Variants in PDE4D observed in about 807,000 individuals in gnomAD.
The protein encoded by PDE4D is phosphodiesterase 4D, also known as 3',5'-cyclic-AMP phosphodiesterase 4D.
Under a neutral mutation model 87.4 loss-of-function variants are expected in PDE4D, and 24 were observed. The ratio of observed to expected loss-of-function variants is 0.27; its 90% CI spans 0.20 to 0.39. The LOEUF is 0.39. Among genes scored for constraint, PDE4D ranks in the 10% least tolerant of loss-of-function variants. The pLI is 1.00. For synonymous variants in PDE4D, 384 were observed against 383.2 expected (o/e 1.00, Z -0.02); for missense variants, 714 against 1,041.0 (o/e 0.69, Z 4.32).
chr5:59,142,018 T>G (rs1453514019), intron 5 of PDE4D, among the ~76,000 whole-genome samples: 1 of 152,162 alleles, frequency 6.6e-6, no homozygotes, highest in Non-Finnish European at 1.5e-5. Context: ...AACACAATCT[T>G]GCAACCTGGC....
chr5:59,794,920 C>T (rs549120171), intron 1 of PDE4D, among the ~76,000 whole-genome samples: 2 of 152,274 alleles, frequency 1.3e-5, no homozygotes, highest in East Asian at 3.9e-4. Flanking sequence ...CAGCTCATCA[C>T]TCAGGGTGGA....
intron 1 of PDE4D, among the ~76,000 whole-genome samples, chr5:59,380,560 TGAGG>T (rs1405739362): frequency 3.9e-5 from 6 of 152,274 alleles, no homozygotes; most frequent in African/African-American, 1.4e-4. Flanking sequence ...TTATGCACAT[TGAGG>T]TCACATCGCT....
intron 1 of PDE4D, chr5:59,528,964 G>T: frequency 2.2e-6 from 1 of 447,142 alleles, no homozygotes; most frequent in South Asian, 1.6e-5. Context: ...GATGCAAGCT[G>T]AACGGTTGGC....
At chr5:60,015,464 C>A (rs1352611263) in intron 2 of PDE4D, among the ~76,000 whole-genome samples, 3 of 152,058 alleles carry the variant, frequency 2.0e-5, no homozygotes, top group Non-Finnish European at 4.4e-5. Context: ...TCTGACAGAC[C>A]CACTTGCTCT....
intron 1 of PDE4D, among the ~76,000 whole-genome samples, chr5:60,278,599 AT>A (rs908941895): frequency 6.7e-6 from 1 of 149,146 alleles, no homozygotes; most frequent in Non-Finnish European, 1.5e-5. Flanking sequence ...TTTCCCATTT[AT>A]TTTTTTTCTG....
chr5:58,979,885 C>A (rs1744690625), intron 11 of PDE4D, among the ~76,000 whole-genome samples: 1 of 152,146 alleles, frequency 6.6e-6, no homozygotes, highest in African/African-American at 2.4e-5. Context: ...GAGACTTAAG[C>A]CCCTACAAAA....
At chr5:60,205,072 C>A (rs575383658) in intron 1 of PDE4D, among the ~76,000 whole-genome samples, 1 of 152,162 alleles carries the variant, frequency 6.6e-6, no homozygotes, top group Non-Finnish European at 1.5e-5. Context: ...CATACTCCCC[C>A]ACCTTCCTTG....
chr5:59,196,868 G>A (rs1423828101), intron 2 of PDE4D, among the ~76,000 whole-genome samples: 1 of 152,102 alleles, frequency 6.6e-6, no homozygotes, highest in Non-Finnish European at 1.5e-5. Context: ...GAAAAGACAT[G>A]CCACCTATGC....
At chr5:60,184,363 G>C (rs569853258) in intron 2 of PDE4D, among the ~76,000 whole-genome samples, 1 of 151,886 alleles carries the variant, frequency 6.6e-6, no homozygotes, top group South Asian at 2.1e-4. Flanking sequence ...AGATGTGTTT[G>C]CAGTTTGGTA....
Position 59,653,208 on chromosome 5 carries a change from A to ATTTTTTTT in PDE4D, c.455+239952_455+239959dup, listed in dbSNP as rs555841091. Among the ~76,000 whole-genome samples, 83 of 125,704 alleles carry ATTTTTTTT rather than the reference A, an allele frequency of 6.6e-4. 5 individuals carry two copies. The highest frequency in any genetic ancestry group is 9.8e-4 in the African/African-American group (33 of 33,612). The allele number at this position is 125,704 out of a possible 152,430, so 82.5% of individuals were successfully genotyped here. ...TCAAATAATGTTAGCAAAAAAAAAA[A>ATTTTTTTT]TTTTTTTTTTTTTTTTTAGACAGAG... is the stretch of plus-strand genomic sequence containing the variant. On this transcript the variant is annotated intron_variant, in intron 1 of 14. Coordinates refer to ENST00000340635, the MANE Select transcript of PDE4D (RefSeq NM_001104631.2).
intron 1 of PDE4D, among the ~76,000 whole-genome samples, chr5:59,411,033 C>T (rs560666223): frequency 6.6e-6 from 1 of 152,206 alleles, no homozygotes; most frequent in Admixed American, 6.5e-5. Flanking sequence ...CATAAATTTC[C>T]ATTCTAATGA....
chr5:59,281,275 A>G (rs1296217047), intron 1 of PDE4D, among the ~76,000 whole-genome samples: 1 of 152,086 alleles, frequency 6.6e-6, no homozygotes, highest in Non-Finnish European at 1.5e-5. Flanking sequence ...ATCTTTATGT[A>G]TTGTGGCTTA....
chr5:59,628,862 A>T (rs1831218058), intron 1 of PDE4D, among the ~76,000 whole-genome samples: 3 of 152,200 alleles, frequency 2.0e-5, no homozygotes, highest in Admixed American at 2.0e-4. Flanking sequence ...TTTATAATGG[A>T]AAGAGGTTTA....
At chr5:59,890,464 A>C (rs1291171076) in intron 1 of PDE4D, among the ~76,000 whole-genome samples, 2 of 152,228 alleles carry the variant, frequency 1.3e-5, no homozygotes, top group African/African-American at 2.4e-5. Context: ...TACTGCCCAG[A>C]GTTTCTAAAG....
chr5:59,100,328 A>T (rs1332127890), intron 5 of PDE4D, among the ~76,000 whole-genome samples: 2 of 152,204 alleles, frequency 1.3e-5, no homozygotes, highest in African/African-American at 4.8e-5. Flanking sequence ...ACTCCGAAAC[A>T]TTCATCTTTT....
intron 2 of PDE4D, among the ~76,000 whole-genome samples, chr5:60,022,162 G>C (rs1018132311): frequency 7.5e-6 from 1 of 133,764 alleles, no homozygotes; most frequent in African/African-American, 2.9e-5. Context: ...AGTCTGGATA[G>C]GACAGTTTTA....
At chr5:60,085,176 A>T (rs978639764) in intron 2 of PDE4D, among the ~76,000 whole-genome samples, 1 of 152,182 alleles carries the variant, frequency 6.6e-6, no homozygotes, top group African/African-American at 2.4e-5. Context: ...TTCACAGGTT[A>T]ATCTTCCAAT....
intron 1 of PDE4D, among the ~76,000 whole-genome samples, chr5:60,508,995 G>A (rs1170533546): frequency 6.6e-6 from 1 of 151,858 alleles, no homozygotes; most frequent in Admixed American, 6.6e-5. Context: ...CGCCTCTCGG[G>A]TTCAAGCTAT....
intron 3 of PDE4D, among the ~76,000 whole-genome samples, chr5:59,969,671 A>G (rs1435081): frequency 0.73 from 110,922 of 152,042 alleles, 40,683 homozygotes; most frequent in East Asian, 0.97. Context: ...AACCATGGGG[A>G]CAGTTACCTC....
Sources: gnomAD v4.1 joint callset for allele counts (sites outside exome capture counted in the v4.1 genomes callset) on GRCh38, gnomAD v4.1.1 for gene constraint, MANE v1.5 for transcripts, NCBI Gene and HGNC (gene_info 2026-07-23, HGNC 2026-07-21) for gene names.